CNTNAP5: variants seen among roughly 807,000 people sequenced by gnomAD.
CNTNAP5 encodes contactin-associated protein-like 5.
A neutral mutation model predicts 150.2 loss-of-function variants in CNTNAP5; 72 were observed. The observed-to-expected ratio is 0.48, with a 90% CI of 0.40 to 0.58. The LOEUF (loss-of-function observed/expected upper bound fraction) is 0.58. Ranked by LOEUF, CNTNAP5 falls within the 20% of genes least tolerant of loss-of-function variation. The pLI is 0.00. For synonymous variants in CNTNAP5, 672 were observed against 619.8 expected, an observed-to-expected ratio of 1.08 and a Z score of -1.25; for missense variants, 1,636 against 1,626.2, an observed-to-expected ratio of 1.01 and a Z score of -0.10.
intron 14 of CNTNAP5, among the ~76,000 whole-genome samples, chr2:124,751,601 C>A (rs1386300207): frequency 1.3e-5 from 2 of 152,224 alleles, no homozygotes; most frequent in African/African-American, 2.4e-5. Flanking sequence ...TATTTCTTGA[C>A]AACTGACTTT....
At chr2:124,765,019 A>G (rs1681040194) in intron 16 of CNTNAP5, among the ~76,000 whole-genome samples, 1 of 152,028 alleles carries the variant, frequency 6.6e-6, no homozygotes, top group African/African-American at 2.4e-5. Context: ...GCTCATGTCC[A>G]TTTATCTTAT....
At chr2:124,914,060 T>C (rs1307506520) in intron 23 of CNTNAP5, 32 bp from the exon 24 acceptor site, 1 of 1,546,900 alleles carries the variant, frequency 6.5e-7, no homozygotes, top group Admixed American at 1.7e-5. Flanking sequence ...CATGACGATT[T>C]CCTTCTCTCT....
intron 17 of CNTNAP5, among the ~76,000 whole-genome samples, chr2:124,776,349 C>G (rs1462292187): frequency 6.6e-6 from 1 of 151,996 alleles, no homozygotes; most frequent in African/African-American, 2.4e-5. Context: ...TCCAAACTTA[C>G]AATCCCCTGG....
intron 8 of CNTNAP5, among the ~76,000 whole-genome samples, chr2:124,520,880 A>C (rs1324946905): frequency 6.6e-6 from 1 of 152,274 alleles, no homozygotes; most frequent in Admixed American, 6.5e-5. Flanking sequence ...AATAATTAAT[A>C]GCACTTCCAC....
chr2:124,635,943 A>G (rs1677960965), intron 12 of CNTNAP5, among the ~76,000 whole-genome samples: 1 of 152,184 alleles, frequency 6.6e-6, no homozygotes, highest in South Asian at 2.1e-4. Flanking sequence ...ACATTGACTG[A>G]TTGCTGTCCA....
At chr2:124,786,369 A>AAG (rs1255769515) in intron 17 of CNTNAP5, among the ~76,000 whole-genome samples, 2 of 69,388 alleles carry the variant, frequency 2.9e-5, no homozygotes, top group Non-Finnish European at 5.7e-5. Flanking sequence ...GAAAGAAAGA[A>AAG]AGAAAGAAAG....
intron 13 of CNTNAP5, among the ~76,000 whole-genome samples, chr2:124,680,264 C>T (rs1256175518): frequency 6.6e-6 from 1 of 151,822 alleles, no homozygotes; most frequent in Non-Finnish European, 1.5e-5. Context: ...TGGAAGTTTC[C>T]ATGGTATTCA....
intron 8 of CNTNAP5, among the ~76,000 whole-genome samples, 181 bp from the exon 9 acceptor site, chr2:124,524,122 A>C (rs576725390): frequency 6.6e-6 from 1 of 152,222 alleles, no homozygotes. Context: ...ATTAGAATGA[A>C]GTGGCAAGAA....
At chr2:124,792,428 C>G (rs1463648067) in intron 18 of CNTNAP5, among the ~76,000 whole-genome samples, 1 of 151,994 alleles carries the variant, frequency 6.6e-6, no homozygotes, top group Non-Finnish European at 1.5e-5. Context: ...TTCTTTATGA[C>G]CCTAATTTCA....
intron 13 of CNTNAP5, among the ~76,000 whole-genome samples, chr2:124,713,313 T>TC (rs1472709393): frequency 5.1e-4 from 52 of 101,100 alleles, no homozygotes; most frequent in African/African-American, 1.6e-3. Context: ...TCTTTCTCTT[T>TC]CTTTCCTTTC....
intron 8 of CNTNAP5, among the ~76,000 whole-genome samples, chr2:124,512,947 C>A (rs72968740): frequency 0.021 from 3,180 of 152,150 alleles, 111 homozygotes; most frequent in African/African-American, 0.071. Context: ...AACATGACAC[C>A]CTTAGCTTTC....
intron 11 of CNTNAP5, among the ~76,000 whole-genome samples, chr2:124,603,721 C>A (rs578241177): frequency 6.6e-6 from 1 of 152,006 alleles, no homozygotes; most frequent in Non-Finnish European, 1.5e-5. Context: ...CAGAGGGGAC[C>A]AATGGACTTG....
intron 13 of CNTNAP5, among the ~76,000 whole-genome samples, chr2:124,744,633 G>T (rs1680567240): frequency 2.0e-5 from 3 of 152,138 alleles, no homozygotes; most frequent in Admixed American, 2.0e-4. Context: ...TTTGTTGAAT[G>T]AATTCATAGT....
Position 124,123,784 on chromosome 2 carries a change from G to A in CNTNAP5, c.83-97921G>A, listed in dbSNP as rs1373279775. Reference sequence around the variant, plus strand: ...CTGCAGCCTCCGCTAGTGATACCCAGGCAAATAGTGTCTGGAGTGGACCTC... The same window carrying A: ...CTGCAGCCTCCGCTAGTGATACCCAAGCAAATAGTGTCTGGAGTGGACCTC... On this transcript the variant is annotated intron_variant, in intron 1 of 23. Transcript: ENST00000682447. 2.0e-5 allele frequency among the ~76,000 whole-genome samples: 3 copies of A among 152,162 alleles called. No homozygotes were observed. The East Asian group carries it at 5.8e-4, about 29-fold the overall frequency.
chr2:124,306,606 G>T (rs1287716353), intron 3 of CNTNAP5, among the ~76,000 whole-genome samples: 4 of 151,882 alleles, frequency 2.6e-5, no homozygotes, highest in African/African-American at 9.7e-5. Flanking sequence ...TCTAGAGAGT[G>T]TTGAGGTGCT....
chr2:124,793,302 T>G (rs748985534), intron 18 of CNTNAP5, among the ~76,000 whole-genome samples: 1 of 152,242 alleles, frequency 6.6e-6, no homozygotes, highest in African/African-American at 2.4e-5. Context: ...GGATATCTTT[T>G]TCCTGTGCTT....
intron 1 of CNTNAP5, among the ~76,000 whole-genome samples, chr2:124,101,989 A>G (rs1683076936): frequency 6.6e-6 from 1 of 152,134 alleles, no homozygotes; most frequent in Admixed American, 6.5e-5. Flanking sequence ...CTGACAGCGT[A>G]TCACTGATTT....
At chr2:124,558,835 T>C (rs1695821932) in intron 10 of CNTNAP5, among the ~76,000 whole-genome samples, 1 of 152,142 alleles carries the variant, frequency 6.6e-6, no homozygotes, top group Admixed American at 6.5e-5. Flanking sequence ...AAGGCTGACC[T>C]AGAGAGAGCA....
intron 7 of CNTNAP5, among the ~76,000 whole-genome samples, chr2:124,491,167 T>C (rs1365612152): frequency 6.6e-6 from 1 of 152,146 alleles, no homozygotes; most frequent in Non-Finnish European, 1.5e-5. Context: ...GGAACTTGTT[T>C]GAACATCTTA....
Sources: allele counts gnomAD v4.1 joint callset (sites outside exome capture counted in the v4.1 genomes callset), GRCh38; gene constraint gnomAD v4.1.1; transcripts MANE v1.5; gene names NCBI Gene and HGNC (gene_info 2026-07-23, HGNC 2026-07-21).